The following PARM1 variants were observed in gnomAD, a reference collection of about 807,000 sequenced individuals.
PARM1 encodes WSC4, cell wall integrity and stress response component 4 homolog.
In PARM1, 14 loss-of-function variants were observed where a neutral mutation model predicts 24.6. The ratio of observed to expected loss-of-function variants is 0.57; its 90% CI spans 0.38 to 0.89. The LOEUF (loss-of-function observed/expected upper bound fraction) is 0.89. Ranked by LOEUF, PARM1 falls within the 40% of genes least tolerant of loss-of-function variation. The pLI is 0.00. For missense variants in PARM1, 362 were observed against 380.4 expected, an observed-to-expected ratio of 0.95 and a Z score of 0.40; for synonymous variants, 179 against 156.6, an observed-to-expected ratio of 1.14 and a Z score of -1.07.
At chr4:74,990,665 G>A (rs1305308512) in intron 1 of PARM1, among the ~76,000 whole-genome samples, 2 of 152,112 alleles carry the variant, frequency 1.3e-5, no homozygotes, top group Non-Finnish European at 2.9e-5. Flanking sequence ...GGGATGTGAG[G>A]ATCAGAAAAT....
At chr4:74,942,843 C>A (rs1375944883) in intron 1 of PARM1, among the ~76,000 whole-genome samples, 2 of 152,176 alleles carry the variant, frequency 1.3e-5, no homozygotes, top group Non-Finnish European at 2.9e-5. Flanking sequence ...TCAGTCACTG[C>A]TCTGTTCAGA....
chr4:75,023,330 T>C (rs1204157417), intron 2 of PARM1, among the ~76,000 whole-genome samples: 1 of 152,178 alleles, frequency 6.6e-6, no homozygotes, highest in Admixed American at 6.5e-5. Flanking sequence ...TGAGGGTAAT[T>C]ATAGTACTGT....
intron 1 of PARM1, among the ~76,000 whole-genome samples, chr4:74,942,739 C>T (rs1578021511): frequency 6.6e-6 from 1 of 152,348 alleles, no homozygotes; most frequent in Admixed American, 6.5e-5. Context: ...AAGAGCACTG[C>T]TGTGGCCTCC....
chr4:75,022,759 T>A (rs536324285), intron 2 of PARM1, among the ~76,000 whole-genome samples: 2 of 152,096 alleles, frequency 1.3e-5, no homozygotes, highest in Non-Finnish European at 2.9e-5. Flanking sequence ...ATCTTCCAAC[T>A]CAAAAAAGCA....
chr4:74,970,722 A>T lies in PARM1; in HGVS notation c.43+37352A>T, dbSNP rs191005276. On this transcript the variant is annotated intron_variant, in intron 1 of 3. Coordinates refer to ENST00000307428, the MANE Select transcript of PARM1 (RefSeq NM_015393.4). Reference sequence around the variant, plus strand: ...CCCAGGCTGCTTCCAGCCTGCCTGCATGTGTTCAGGGCAGCAATTTAATTT... The same window carrying T: ...CCCAGGCTGCTTCCAGCCTGCCTGCTTGTGTTCAGGGCAGCAATTTAATTT... 2.6e-5 allele frequency among the ~76,000 whole-genome samples: 4 copies of T among 152,320 alleles called. No homozygotes were observed. In the East Asian group the frequency reaches 7.7e-4, roughly 29 times the overall value.
At chr4:75,014,010 T>A (rs1383788518) in intron 2 of PARM1, among the ~76,000 whole-genome samples, 1 of 152,140 alleles carries the variant, frequency 6.6e-6, no homozygotes, top group Non-Finnish European at 1.5e-5. Context: ...TCATTTTAGA[T>A]GAGCCAGAAG....
chr4:74,937,134 A>G (rs1721210916), intron 1 of PARM1, among the ~76,000 whole-genome samples: 2 of 152,196 alleles, frequency 1.3e-5, no homozygotes, highest in African/African-American at 2.4e-5. Flanking sequence ...TCCTTGAAGG[A>G]AGACTTACTT....
At chr4:74,971,978 G>C (rs72860934) in intron 1 of PARM1, among the ~76,000 whole-genome samples, 4,106 of 152,254 alleles carry the variant, frequency 0.027, 79 homozygotes, top group South Asian at 0.078. Flanking sequence ...AATTTTCTGT[G>C]ACACATATTT....
chr4:74,980,184 T>TGGGG (rs1722220565), intron 1 of PARM1, among the ~76,000 whole-genome samples: 1 of 152,198 alleles, frequency 6.6e-6, no homozygotes, highest in Admixed American at 6.5e-5. Flanking sequence ...CTGTCTCTGT[T>TGGGG]TGCAGAGGGC....
intron 2 of PARM1, among the ~76,000 whole-genome samples, chr4:75,031,694 A>G (rs1723280479): frequency 1.3e-5 from 2 of 152,224 alleles, no homozygotes; most frequent in Admixed American, 6.5e-5. Flanking sequence ...TTCCTATATT[A>G]AACTATCCCT....
chr4:74,968,446 C>A (rs957860350), intron 1 of PARM1, among the ~76,000 whole-genome samples: 3 of 152,160 alleles, frequency 2.0e-5, no homozygotes, highest in Admixed American at 1.3e-4. Flanking sequence ...AATAAGACTT[C>A]AGCACTTCCT....
chr4:75,005,085 A>T (rs985869726), intron 1 of PARM1, among the ~76,000 whole-genome samples: 1 of 152,182 alleles, frequency 6.6e-6, no homozygotes, highest in Admixed American at 6.5e-5. Flanking sequence ...TACACTTGTT[A>T]ATATATGTGT....
intron 3 of PARM1, among the ~76,000 whole-genome samples, chr4:75,037,224 A>T (rs1723389532): frequency 6.6e-6 from 1 of 152,156 alleles, no homozygotes; most frequent in Non-Finnish European, 1.5e-5. Flanking sequence ...ACATAACAAA[A>T]GATCTGTTTT....
intron 3 of PARM1, among the ~76,000 whole-genome samples, chr4:75,039,657 C>T (rs1723441779): frequency 6.6e-6 from 1 of 152,160 alleles, no homozygotes; most frequent in Non-Finnish European, 1.5e-5. Flanking sequence ...GCTGCTGGTC[C>T]AAGGATCACA....
intron 1 of PARM1, among the ~76,000 whole-genome samples, chr4:74,998,375 T>C (rs1578044591): frequency 6.6e-6 from 1 of 151,788 alleles, no homozygotes; most frequent in African/African-American, 2.4e-5. Flanking sequence ...TAGGAGAGTC[T>C]GGACTTTTAG....
At chr4:74,966,236 T>A (rs1273626494) in intron 1 of PARM1, among the ~76,000 whole-genome samples, 1 of 152,144 alleles carries the variant, frequency 6.6e-6, no homozygotes, top group Non-Finnish European at 1.5e-5. Context: ...TCAAAAAAAA[T>A]GTTTTAATAC....
intron 2 of PARM1, among the ~76,000 whole-genome samples, chr4:75,019,928 A>G (rs542652010): frequency 1.1e-4 from 16 of 144,876 alleles, no homozygotes; most frequent in Non-Finnish European, 1.5e-4. Context: ...GCGTGAACCC[A>G]GGAAGCGGAG....
At position 75,016,462 on chromosome 4, in the gene PARM1, G is replaced by T. The variant is rs551333728; in HGVS notation, c.769+3312G>T. ...GTACATGCACAGGTTTGTTACGTGG[G>T]TATATTGCGTGATGCTGAGGTTTGG... On this transcript the variant is annotated intron_variant, in intron 2 of 3. Transcript: ENST00000307428. Among the ~76,000 whole-genome samples, 7 of 152,214 alleles carry T rather than the reference G, an allele frequency of 4.6e-5. No individual in the cohort carries two copies. In the South Asian group the frequency reaches 1.0e-3, roughly 23 times the overall value.
chr4:75,012,469 T>C lies in PARM1; in HGVS notation c.88T>C (p.Ser30Pro). 6.2e-7 allele frequency: 1 copy of C among 1,613,922 alleles called. No individual in the cohort carries two copies. Among genetic ancestry groups the C allele is most frequent in the African/African-American group, 1.3e-5 (1 of 75,028 alleles). ...SLPTSAPLSVSLPTNIVPPTT... is the reference protein window; with the variant it reads ...SLPTSAPLSVPLPTNIVPPTT... The stretch of plus-strand genomic sequence containing the variant: ...GCCTACATCAGCTCCTTTGTCTGTT[T>C]CTCTTCCGACAAACATTGTACCACC... The change falls in exon 2 of 4, where the codon TCT becomes CCT. Residue 30 changes from serine to proline, a missense_variant. Coordinates refer to ENST00000307428, the MANE Select transcript of PARM1 (RefSeq NM_015393.4).
Sources: allele counts gnomAD v4.1 joint callset (sites outside exome capture counted in the v4.1 genomes callset), GRCh38; gene constraint gnomAD v4.1.1; transcripts MANE v1.5; gene names NCBI Gene and HGNC (gene_info 2026-07-23, HGNC 2026-07-21).